The following TNR variants were observed in gnomAD, a reference collection of about 807,000 sequenced individuals.
TNR encodes the protein tenascin R, also known as tenascin-R.
Under a neutral mutation model 150.4 loss-of-function variants are expected in TNR, and 45 were observed. That is an observed-to-expected ratio of 0.30 (90% CI 0.24 to 0.38). The LOEUF is 0.38. Among genes scored for constraint, TNR ranks in the 10% least tolerant of loss-of-function variants. The pLI is 1.00. For missense variants in TNR, 1,544 were observed against 1,759.1 expected, an observed-to-expected ratio of 0.88 and a Z score of 2.19; for synonymous variants, 687 against 678.4, an observed-to-expected ratio of 1.01 and a Z score of -0.20.
At chr1:175,564,100 C>T (rs1425556915) in intron 1 of TNR, among the ~76,000 whole-genome samples, 1 of 152,236 alleles carries the variant, frequency 6.6e-6, no homozygotes, top group African/African-American at 2.4e-5. Flanking sequence ...TAAAAGTGCT[C>T]TCAAGGCAAT....
intron 18 of TNR, among the ~76,000 whole-genome samples, chr1:175,345,761 T>G (rs1650749923): frequency 6.6e-6 from 1 of 151,824 alleles, no homozygotes; most frequent in Admixed American, 6.6e-5. Flanking sequence ...GAGGAGAAAG[T>G]GCTTAAATAA....
intron 1 of TNR, among the ~76,000 whole-genome samples, chr1:175,671,393 C>T (rs1260181410): frequency 6.6e-6 from 1 of 152,216 alleles, no homozygotes; most frequent in Non-Finnish European, 1.5e-5. Flanking sequence ...CTGAGGAGCA[C>T]TGATCATCCA....
intron 2 of TNR, among the ~76,000 whole-genome samples, chr1:175,459,050 A>G (rs1656697139): frequency 6.6e-6 from 1 of 151,894 alleles, no homozygotes; most frequent in South Asian, 2.1e-4. Flanking sequence ...CTCTACTATT[A>G]CCACCATGAC....
chr1:175,657,142 G>A (rs541069075), intron 1 of TNR, among the ~76,000 whole-genome samples: 1 of 152,302 alleles, frequency 6.6e-6, no homozygotes, highest in East Asian at 1.9e-4. Flanking sequence ...GGAACATTCT[G>A]TACCAGATGG....
chr1:175,683,635 C>T (rs748407921), intron 1 of TNR, among the ~76,000 whole-genome samples: 1 of 152,152 alleles, frequency 6.6e-6, no homozygotes. Context: ...GTTTGCATAC[C>T]AGTACCTGTC....
chr1:175,428,610 G>T (rs1482154623), intron 2 of TNR, among the ~76,000 whole-genome samples: 1 of 152,096 alleles, frequency 6.6e-6, no homozygotes, highest in Non-Finnish European at 1.5e-5. Context: ...TTACACATTT[G>T]TTCAAATCAA....
At chr1:175,598,069 G>A (rs1042268451) in intron 1 of TNR, among the ~76,000 whole-genome samples, 1 of 152,098 alleles carries the variant, frequency 6.6e-6, no homozygotes, top group Non-Finnish European at 1.5e-5. Flanking sequence ...TACACACAGG[G>A]CATGTTCCTG....
intron 1 of TNR, among the ~76,000 whole-genome samples, chr1:175,633,013 CCTGTCTCCATACCTTGTATACA>C (rs774811567): frequency 6.6e-6 from 1 of 152,198 alleles, no homozygotes; most frequent in Non-Finnish European, 1.5e-5. Flanking sequence ...TCCCCAAGCT[CCTGTCTCCATACCTTGTATACA>C]CTGTCCCCTC....
chr1:175,687,560 T>A (rs1442635748), intron 1 of TNR, among the ~76,000 whole-genome samples: 2 of 152,148 alleles, frequency 1.3e-5, no homozygotes, highest in East Asian at 3.9e-4. Context: ...CCAGCTTACT[T>A]CTTCCCCATT....
At chr1:175,359,587 G>C in intron 15 of TNR, 25 bp downstream of exon 15, 1 of 1,612,756 alleles carries the variant, frequency 6.2e-7, no homozygotes, top group East Asian at 2.2e-5. Flanking sequence ...CCACCTGCCT[G>C]ATCTGCAGGC....
chr1:175,642,922 T>A (rs888991437), intron 1 of TNR, among the ~76,000 whole-genome samples: 1 of 152,042 alleles, frequency 6.6e-6, no homozygotes, highest in Non-Finnish European at 1.5e-5. Context: ...CAGAGCAACA[T>A]CCTATCTCTA....
intron 1 of TNR, among the ~76,000 whole-genome samples, chr1:175,687,412 C>G (rs1250034177): frequency 6.6e-6 from 1 of 152,082 alleles, no homozygotes; most frequent in Non-Finnish European, 1.5e-5. Flanking sequence ...CTTATTTTTC[C>G]AAATGTTCAG....
chr1:175,475,356 T>C (rs892127621), intron 2 of TNR, among the ~76,000 whole-genome samples: 27 of 152,240 alleles, frequency 1.8e-4, no homozygotes, highest in African/African-American at 5.1e-4. Context: ...GGAGGAAGCA[T>C]GGCAGTGTTG....
intron 1 of TNR, among the ~76,000 whole-genome samples, chr1:175,697,356 T>C (rs560370299): frequency 6.8e-4 from 103 of 151,658 alleles, no homozygotes; most frequent in Admixed American, 2.8e-3. Context: ...TCTTTTTTTT[T>C]TTTCTTTCTT....
intron 2 of TNR, among the ~76,000 whole-genome samples, chr1:175,417,011 A>AAAGAAAG (rs1553218221): frequency 2.4e-4 from 22 of 90,900 alleles, no homozygotes; most frequent in African/African-American, 9.1e-4. Flanking sequence ...CCATCTCAAA[A>AAAGAAAG]AAAGAAAGAA....
At chr1:175,606,815 C>T (rs79233863) in intron 1 of TNR, among the ~76,000 whole-genome samples, 1 of 152,288 alleles carries the variant, frequency 6.6e-6, no homozygotes, top group African/African-American at 2.4e-5. Flanking sequence ...TGAACCAATG[C>T]CTGATAGATG....
Position 175,356,300 on chromosome 1 carries a change from T to C in TNR, c.3118+19A>G, listed in dbSNP as rs761220590. The C allele has an allele frequency of 5.6e-6, 9 of 1,613,650 alleles. No homozygotes were observed. Among genetic ancestry groups the C allele is most frequent in the Non-Finnish European group, 7.6e-6 (9 of 1,179,756 alleles). ...AAAAGTCCCCAGGGATACGGGTATGTAGGTGACCATGTACTCACGAGTAGA... is the reference window on the plus strand; with the variant it reads ...AAAAGTCCCCAGGGATACGGGTATGCAGGTGACCATGTACTCACGAGTAGA... On this transcript the variant is annotated intron_variant, in intron 16 of 22. Transcript: ENST00000367674.
chr1:175,452,444 G>A (rs560994134), intron 2 of TNR, among the ~76,000 whole-genome samples: 1 of 152,378 alleles, frequency 6.6e-6, no homozygotes, highest in East Asian at 1.9e-4. Context: ...AGGTGGACGG[G>A]GGGACGGCTG....
chr1:175,557,740 A>G (rs1661229034), intron 1 of TNR, among the ~76,000 whole-genome samples: 1 of 145,264 alleles, frequency 6.9e-6, no homozygotes, highest in African/African-American at 2.6e-5. Context: ...TAGAACTAGA[A>G]ATACCATTTG....
Sources: gnomAD v4.1 joint callset for allele counts (sites outside exome capture counted in the v4.1 genomes callset) on GRCh38, gnomAD v4.1.1 for gene constraint, MANE v1.5 for transcripts, NCBI Gene and HGNC (gene_info 2026-07-23, HGNC 2026-07-21) for gene names.